The following EXT1 variants were observed in gnomAD, a reference collection of about 807,000 sequenced individuals.
EXT1 encodes the protein exostosin glycosyltransferase 1, also known as exostosin-1.
In EXT1, 20 loss-of-function variants were observed where a neutral mutation model predicts 82.5. The observed-to-expected ratio is 0.24, with a 90% CI of 0.17 to 0.35. The LOEUF is 0.35. Ranked by LOEUF, EXT1 falls within the 10% of genes least tolerant of loss-of-function variation. The pLI is 1.00. For missense variants in EXT1, 757 were observed against 936.5 expected (o/e 0.81, Z 2.50); for synonymous variants, 348 against 350.8 (o/e 0.99, Z 0.09).
intron 1 of EXT1, among the ~76,000 whole-genome samples, chr8:118,023,420 G>T (rs550487443): frequency 6.6e-6 from 1 of 152,252 alleles, no homozygotes; most frequent in Admixed American, 6.5e-5. Context: ...CCTGGCTTTG[G>T]CTAAGAAGAA....
At chr8:118,041,802 G>T (rs1816536543) in intron 1 of EXT1, among the ~76,000 whole-genome samples, 1 of 152,064 alleles carries the variant, frequency 6.6e-6, no homozygotes, top group Non-Finnish European at 1.5e-5. Context: ...ACAAAAATTA[G>T]CTCGGCGTGG....
At chr8:117,956,056 A>G (rs1814579797) in intron 1 of EXT1, among the ~76,000 whole-genome samples, 1 of 152,214 alleles carries the variant, frequency 6.6e-6, no homozygotes, top group Admixed American at 6.5e-5. Flanking sequence ...ATGATTTTAG[A>G]GTATTTGCTG....
intron 1 of EXT1, among the ~76,000 whole-genome samples, chr8:118,095,549 C>T (rs1363688007): frequency 6.6e-6 from 1 of 152,108 alleles, no homozygotes; most frequent in African/African-American, 2.4e-5. Context: ...ATTTTAAAGA[C>T]ACATGTAGCA....
intron 1 of EXT1, among the ~76,000 whole-genome samples, chr8:118,028,631 T>C (rs1213569880): frequency 6.6e-6 from 1 of 150,634 alleles, no homozygotes; most frequent in Non-Finnish European, 1.5e-5. Context: ...AAAAATAAAA[T>C]AAAAAAAAAG....
Position 117,827,784 on chromosome 8 carries a change from C to CAAAAAAAAAAAAAAAA in EXT1, c.1284+2430_1284+2445dup, listed in dbSNP as rs768731740. On this transcript the variant is annotated intron_variant, in intron 4 of 10. Coordinates refer to ENST00000378204, the MANE Select transcript of EXT1 (RefSeq NM_000127.3). ...TGGGGGACAGGGTGAGACTCTGTCT[C>CAAAAAAAAAAAAAAAA]AAAAAAAAAAAAAAAAAAAAAAAAA... Among the ~76,000 whole-genome samples the CAAAAAAAAAAAAAAAA allele has an allele frequency of 7.2e-4, 39 of 54,138 alleles. 2 individuals carry two copies. The highest frequency in any genetic ancestry group is 2.9e-3 in the African/African-American group (36 of 12,556). 35.5% of individuals were successfully genotyped at this position (54,138 alleles called of 152,430 possible).
At chr8:117,813,756 A>G (rs1823373762) in intron 7 of EXT1, among the ~76,000 whole-genome samples, 1 of 152,174 alleles carries the variant, frequency 6.6e-6, no homozygotes, top group Non-Finnish European at 1.5e-5. Flanking sequence ...CTGTAATCCC[A>G]GCATTTTGGG....
At chr8:117,807,463 T>C (rs757570210) in intron 8 of EXT1, 86 bp from the exon 9 acceptor site, 82 of 1,487,944 alleles carry the variant, frequency 5.5e-5, no homozygotes, top group Non-Finnish European at 7.5e-5. Context: ...TAATTCATAA[T>C]GCAAAATCCG....
rs779006422 is a variant in EXT1 at position 117,799,669 on chromosome 8, C to A, written c.*43G>T. 2.5e-6 allele frequency: 4 copies of A among 1,606,132 alleles called. No individual in the cohort carries two copies. The highest frequency in any genetic ancestry group is 3.4e-6 in the Non-Finnish European group (4 of 1,173,212). ...CACTGGGAAGAGAGAGCAGCTTGAC[C>A]CCCATCCCTTCTTGCTTCCCCTCCC... is the stretch of plus-strand genomic sequence containing the variant. On this transcript the variant is annotated 3_prime_UTR_variant, in exon 11 of 11. Transcript: ENST00000378204.
At chr8:117,995,764 T>C (rs748684695) in intron 1 of EXT1, among the ~76,000 whole-genome samples, 3 of 152,332 alleles carry the variant, frequency 2.0e-5, no homozygotes, top group Middle Eastern at 3.4e-3. Flanking sequence ...TTACCATGTA[T>C]TATCATGGCA....
chr8:117,813,981 G>A (rs1811738983), intron 7 of EXT1, among the ~76,000 whole-genome samples: 1 of 151,600 alleles, frequency 6.6e-6, no homozygotes, highest in Non-Finnish European at 1.5e-5. Context: ...ACTCCAGCCT[G>A]GGTGACAGAG....
intron 1 of EXT1, among the ~76,000 whole-genome samples, chr8:118,041,961 A>AG (rs1215065960): frequency 6.6e-6 from 1 of 151,872 alleles, no homozygotes; most frequent in Non-Finnish European, 1.5e-5. Flanking sequence ...AAAAAAAAAA[A>AG]AAAGAAAGAA....
chr8:117,841,046 C>T (rs558072682), intron 1 of EXT1, among the ~76,000 whole-genome samples: 2 of 152,294 alleles, frequency 1.3e-5, no homozygotes, highest in South Asian at 2.1e-4. Context: ...TACCATATGA[C>T]CCAGTAATTG....
chr8:117,970,304 AT>A (rs35409811), intron 1 of EXT1, among the ~76,000 whole-genome samples: 3,604 of 136,414 alleles, frequency 0.026, 84 homozygotes, highest in African/African-American at 0.078. Context: ...AGGAATCTAC[AT>A]TTTTTTTTTT....
chr8:118,085,223 T>C (rs1361106014), intron 1 of EXT1, among the ~76,000 whole-genome samples: 1 of 152,178 alleles, frequency 6.6e-6, no homozygotes. Context: ...AAATAACCTA[T>C]TTGCTACAGC....
intron 1 of EXT1, among the ~76,000 whole-genome samples, chr8:118,006,152 T>C (rs368165899): frequency 4.7e-4 from 72 of 152,286 alleles, no homozygotes; most frequent in African/African-American, 1.7e-3. Context: ...TCTCTCCCAC[T>C]TTGCAGCCCA....
chr8:117,846,119 C>T (rs755792526), intron 1 of EXT1, among the ~76,000 whole-genome samples: 4 of 151,918 alleles, frequency 2.6e-5, no homozygotes, highest in Non-Finnish European at 4.4e-5. Context: ...TTTTTTCCCC[C>T]CTTTGAGCAG....
intron 1 of EXT1, among the ~76,000 whole-genome samples, chr8:117,959,872 C>T (rs1814664876): frequency 6.6e-6 from 1 of 152,186 alleles, no homozygotes; most frequent in Non-Finnish European, 1.5e-5. Flanking sequence ...TTCATTGTGA[C>T]TTCACAGAGT....
At chr8:117,936,545 T>C (rs1169090390) in intron 1 of EXT1, among the ~76,000 whole-genome samples, 1 of 152,200 alleles carries the variant, frequency 6.6e-6, no homozygotes, top group Non-Finnish European at 1.5e-5. Context: ...CTGTCTATCT[T>C]CTCTATTTTT....
chr8:118,110,625 G>A lies in EXT1; in HGVS notation c.422C>T (p.Ser141Phe), dbSNP rs1817880635. The A allele has an allele frequency of 1.9e-6, 3 of 1,614,198 alleles. No individual in the cohort carries two copies. The highest frequency in any genetic ancestry group is 2.2e-5 in the South Asian group (2 of 91,082). Reference sequence around the variant, plus strand: ...GCTGGGGTCCGAGGTGTAGAACCTGGAGCCCTCGATGGCCGCTAGAATGTT... The same window carrying A: ...GCTGGGGTCCGAGGTGTAGAACCTGAAGCCCTCGATGGCCGCTAGAATGTT... Reference protein sequence around the residue: ...YQNILAAIEGSRFYTSDPSQA... With the variant: ...YQNILAAIEGFRFYTSDPSQA... Residue 141 changes from serine (S) to phenylalanine (F), a missense_variant, in exon 1 of 11, where the codon TCC becomes TTC. Physicochemically the swap from Ser to Phe is radical, Grantham distance 155. This residue lies in a region of EXT1 where 247 missense variants were observed against 330.1 expected (regional missense o/e 0.75). Coordinates refer to ENST00000378204, the MANE Select transcript of EXT1 (RefSeq NM_000127.3).
Sources: allele counts gnomAD v4.1 joint callset (sites outside exome capture counted in the v4.1 genomes callset), GRCh38; gene constraint gnomAD v4.1.1; regional missense constraint gnomAD v4.1.1; transcripts MANE v1.5; gene names NCBI Gene and HGNC (gene_info 2026-07-23, HGNC 2026-07-21).